ST6GALNAC2: variants seen among roughly 807,000 people sequenced by gnomAD.
ST6GALNAC2 encodes the protein ST6 N-acetylgalactosaminide alpha-2,6-sialyltransferase 2, also known as alpha-N-acetylgalactosaminide alpha-2,6-sialyltransferase 2.
ST6GALNAC2 carries 42 observed loss-of-function variants against 38.7 expected under a neutral mutation model. The observed-to-expected ratio is 1.09, with a 90% CI of 0.85 to 1.40. ST6GALNAC2 has a LOEUF of 1.40. ST6GALNAC2 is among the 40% of genes most tolerant of loss of function. The pLI is 0.00. For synonymous variants in ST6GALNAC2, 233 were observed against 209.0 expected (o/e 1.11, Z -0.99); for missense variants, 506 against 481.7 (o/e 1.05, Z -0.47).
chr17:76,570,832 C>T (rs571362763), intron 5 of ST6GALNAC2, 164 bp from the exon 6 acceptor site: 1 of 607,996 alleles, frequency 1.6e-6, no homozygotes, highest in South Asian at 1.9e-5. Context: ...AGTGTAGGTC[C>T]ACAAATCCTC....
At chr17:76,574,242 G>A (rs901285888) in intron 3 of ST6GALNAC2, 123 bp downstream of exon 3, 7 of 1,163,136 alleles carry the variant, frequency 6.0e-6, no homozygotes, top group Admixed American at 2.5e-5. Flanking sequence ...TCTGGGAGGA[G>A]AGAGGGGGAC....
intron 5 of ST6GALNAC2, chr17:76,570,921 T>C: frequency 2.3e-6 from 1 of 437,368 alleles, no homozygotes; most frequent in Non-Finnish European, 4.2e-6. Context: ...GCACAGGATT[T>C]TTCTGATAAA....
chr17:76,569,631 G>A, intron 6 of ST6GALNAC2: 1 of 398,458 alleles, frequency 2.5e-6, no homozygotes, highest in Non-Finnish European at 4.4e-6. Context: ...GATTAGGGGT[G>A]TGGGAAGGGG....
Position 76,570,655 on chromosome 17 carries a change from A to C in ST6GALNAC2, c.683T>G (p.Ile228Ser). 1 of 1,611,706 alleles carries C rather than the reference A, an allele frequency of 6.2e-7. No homozygotes were observed. Among genetic ancestry groups the C allele is most frequent in the East Asian group, 2.2e-5 (1 of 44,872 alleles). Residue 228 changes from isoleucine to serine, a missense_variant, in exon 6 of 9, where the codon ATC (isoleucine) becomes AGC (serine). Coordinates refer to ENST00000225276, the MANE Select transcript of ST6GALNAC2 (RefSeq NM_006456.3). ...GTCGCGGATGTCTGAGGGGATGAAGATATACTGCAGGTCCTGTCAGAATAG... is the reference window on the plus strand; with the variant it reads ...GTCGCGGATGTCTGAGGGGATGAAGCTATACTGCAGGTCCTGTCAGAATAG... The part of the protein sequence containing the change: ...SVPQGQDLQY[I>S]FIPSDIRDYV...
intron 1 of ST6GALNAC2, among the ~76,000 whole-genome samples, chr17:76,584,033 TCAGGA>T: frequency 1.4e-5 from 1 of 71,896 alleles, no homozygotes; most frequent in South Asian, 4.9e-4. Context: ...GAAAGCCAGG[TCAGGA>T]GGATCTCCTG....
chr17:76,576,218 G>A (rs1370976509), intron 2 of ST6GALNAC2, among the ~76,000 whole-genome samples: 1 of 152,148 alleles, frequency 6.6e-6, no homozygotes, highest in African/African-American at 2.4e-5. Context: ...ACTGCAGCCT[G>A]GGCAACAGAG....
chr17:76,570,147 G>C (rs2075337009), intron 6 of ST6GALNAC2: 1 of 187,578 alleles, frequency 5.3e-6, no homozygotes, highest in South Asian at 1.2e-4. Flanking sequence ...GAGTGGCCCA[G>C]ACTGGCCCCA....
intron 2 of ST6GALNAC2, among the ~76,000 whole-genome samples, chr17:76,576,824 G>C (rs980525890): frequency 6.6e-6 from 1 of 151,834 alleles, no homozygotes; most frequent in African/African-American, 2.4e-5. Flanking sequence ...TACAAAATTA[G>C]CCTGGTGTGG....
At position 76,567,469 on chromosome 17, in the gene ST6GALNAC2, A is replaced by G; in HGVS notation, c.941T>C (p.Leu314Ser). The part of the protein sequence containing the change: ...STGALMLLTA[L>S]HTCDQVSAYG... ...GCCTCTTACCTGGTCACAGGTATGC[A>G]AAGCTGTCAGCAGCATGAGAGCCCC... is the stretch of plus-strand genomic sequence containing the variant. The change falls in exon 8 of 9, where the codon TTG (leucine) becomes TCG (serine). Residue 314 changes from leucine (L) to serine (S), a missense_variant. Leu to Ser is a moderately radical substitution (Grantham distance 145). Transcript: ENST00000225276. 6.2e-7 allele frequency: 1 copy of G among 1,613,734 alleles called. No individual in the cohort carries two copies. Among genetic ancestry groups the G allele is most frequent in the Non-Finnish European group, 8.5e-7 (1 of 1,179,720 alleles).
In ST6GALNAC2 at chr17:76,572,742, G is replaced by A. The variant is rs750956637; in HGVS notation, c.564C>T (p.Arg188=). 1.7e-5 allele frequency: 27 copies of A among 1,614,056 alleles called. No individual in the cohort carries two copies. The highest frequency in any genetic ancestry group is 4.0e-5 in the African/African-American group (3 of 74,938). ...AGAAGGAAGTCTTGGTGCCCACATC[G>A]CGCTCGAAGCCTTTGATCACAGCTC... ...LNGAVIKGFE[R]DVGTKTSFYG... Residue 188 remains arginine, a synonymous_variant, in exon 5 of 9, where the codon CGC becomes CGT. Coordinates refer to ENST00000225276, the MANE Select transcript of ST6GALNAC2 (RefSeq NM_006456.3).
chr17:76,572,167 A>G (rs2075359610), intron 5 of ST6GALNAC2, among the ~76,000 whole-genome samples: 1 of 151,990 alleles, frequency 6.6e-6, no homozygotes, highest in African/African-American at 2.4e-5. Flanking sequence ...TGCTGTGGTG[A>G]CCGTGTGTGT....
chr17:76,579,862 C>A (rs530854721), intron 1 of ST6GALNAC2, among the ~76,000 whole-genome samples: 1 of 152,294 alleles, frequency 6.6e-6, no homozygotes, highest in Non-Finnish European at 1.5e-5. Context: ...CCTCCAGAAC[C>A]ATAAGAGGTA....
At chr17:76,567,939 A>G (rs2241917) in intron 7 of ST6GALNAC2, 158,025 of 234,350 alleles carry the variant, frequency 0.67, 53,583 homozygotes, top group East Asian at 0.79. Flanking sequence ...GGACCCACAC[A>G]GTCCAAGAGT....
chr17:76,569,735 A>AC, intron 6 of ST6GALNAC2: 1 of 234,330 alleles, frequency 4.3e-6, no homozygotes, highest in Admixed American at 6.2e-5. Context: ...CCCAGCTCAG[A>AC]CCAGCAGTGG....
chr17:76,577,923 T>C (rs2075434931), intron 2 of ST6GALNAC2, among the ~76,000 whole-genome samples: 1 of 152,152 alleles, frequency 6.6e-6, no homozygotes, highest in Non-Finnish European at 1.5e-5. Flanking sequence ...CTACTTGCTG[T>C]GTCTCTGAAC....
Position 76,578,829 on chromosome 17 carries a change from G to A in ST6GALNAC2, c.126-13C>T. On this transcript the variant is annotated splice_polypyrimidine_tract_variant and intron_variant, in intron 1 of 8. Coordinates refer to ENST00000225276, the MANE Select transcript of ST6GALNAC2 (RefSeq NM_006456.3). The stretch of plus-strand genomic sequence containing the variant: ...TGATGTGGTGTCCCTGGGGGAAAAA[G>A]CAGAAAAAAGCAGGGGTCAGCAGCT... The A allele has an allele frequency of 6.8e-6, 11 of 1,611,488 alleles. No homozygotes were observed. The highest frequency in any genetic ancestry group is 9.3e-6 in the Non-Finnish European group (11 of 1,178,846).
At chr17:76,569,467 C>T (rs907335340) in intron 6 of ST6GALNAC2, 6 of 130,272 alleles carry the variant, frequency 4.6e-5, no homozygotes, top group East Asian at 1.5e-4. Context: ...GGACGAAGTC[C>T]GGGAAGAGGG....
intron 7 of ST6GALNAC2, chr17:76,568,352 C>T (rs560602688): frequency 1.4e-4 from 39 of 280,756 alleles, no homozygotes; most frequent in East Asian, 2.4e-4. Flanking sequence ...GGGTTCCTTC[C>T]GGCACCTTGT....
At chr17:76,584,981 T>C (rs1440165406) in intron 1 of ST6GALNAC2, among the ~76,000 whole-genome samples, 2 of 152,184 alleles carry the variant, frequency 1.3e-5, no homozygotes, top group Non-Finnish European at 2.9e-5. Context: ...AGAGGCCGGC[T>C]CCCAGGTTCT....
Sources: allele counts gnomAD v4.1 joint callset (sites outside exome capture counted in the v4.1 genomes callset), GRCh38; gene constraint gnomAD v4.1.1; transcripts MANE v1.5; gene names NCBI Gene and HGNC (gene_info 2026-07-23, HGNC 2026-07-21).